The following CTNNBL1 variants were observed in gnomAD, a reference collection of about 807,000 sequenced individuals.
CTNNBL1 encodes beta-catenin-like protein 1.
CTNNBL1 carries 31 observed loss-of-function variants against 72.7 expected under a neutral mutation model. That is an observed-to-expected ratio of 0.43 (90% confidence interval 0.32 to 0.58). The LOEUF (loss-of-function observed/expected upper bound fraction) is 0.58. CTNNBL1 is among the 20% of genes least tolerant of loss of function. The pLI, the probability that CTNNBL1 is intolerant of heterozygous loss-of-function variation, is 0.08. For missense variants in CTNNBL1, 534 were observed against 725.1 expected, an observed-to-expected ratio of 0.74 and a Z score of 3.03; for synonymous variants, 240 against 267.3, an observed-to-expected ratio of 0.90 and a Z score of 1.00.
chr20:37,761,753 G>A (rs968402415), intron 5 of CTNNBL1, among the ~76,000 whole-genome samples: 10 of 152,232 alleles, frequency 6.6e-5, no homozygotes, highest in African/African-American at 1.4e-4. Flanking sequence ...TTAAAATAGA[G>A]TGATGTGATG....
At chr20:37,748,827 G>C (rs1167340978) in intron 4 of CTNNBL1, among the ~76,000 whole-genome samples, 2 of 152,164 alleles carry the variant, frequency 1.3e-5, no homozygotes, top group African/African-American at 4.8e-5. Context: ...CCACCTCCAA[G>C]TACCATCACA....
At position 37,711,359 on chromosome 20, in the gene CTNNBL1, C is replaced by T. The variant is rs1275188164; in HGVS notation, c.30+17207C>T. On this transcript the variant is annotated intron_variant, in intron 1 of 15. Transcript: ENST00000361383. ...CTGTGAGACAATCCAGATTTTGGGG[C>T]GGTTAGCAAATTTCATTTGGATTAG... Among the ~76,000 whole-genome samples the T allele has an allele frequency of 4.0e-5, 6 of 151,680 alleles. No individual in the cohort carries two copies. The East Asian group carries it at 7.8e-4, about 20-fold the overall frequency.
At chr20:37,705,473 T>G (rs531862047) in intron 1 of CTNNBL1, among the ~76,000 whole-genome samples, 1 of 152,316 alleles carries the variant, frequency 6.6e-6, no homozygotes, top group African/African-American at 2.4e-5. Context: ...AAAAAAAATT[T>G]TTTTTTAATT....
intron 13 of CTNNBL1, among the ~76,000 whole-genome samples, chr20:37,845,972 C>A (rs1235264482): frequency 6.6e-6 from 1 of 152,178 alleles, no homozygotes; most frequent in Non-Finnish European, 1.5e-5. Flanking sequence ...TGCACGTGCC[C>A]ATGGTTTGCA....
chr20:37,717,344 G>C (rs1371567577), intron 1 of CTNNBL1, among the ~76,000 whole-genome samples: 1 of 152,208 alleles, frequency 6.6e-6, no homozygotes, highest in Non-Finnish European at 1.5e-5. Context: ...GTAACGTGCA[G>C]AACCATTGTG....
At chr20:37,802,804 T>C (rs2073833374) in intron 10 of CTNNBL1, 63 bp from the exon 11 acceptor site, 2 of 1,395,392 alleles carry the variant, frequency 1.4e-6, no homozygotes, top group Non-Finnish European at 2.0e-6. Context: ...AATACCCTTT[T>C]TTTTTTTTAA....
chr20:37,832,790 C>CTT (rs200142358), intron 11 of CTNNBL1, among the ~76,000 whole-genome samples: 1 of 148,152 alleles, frequency 6.7e-6, no homozygotes. Context: ...GTGGACCATA[C>CTT]TTTTTTTTTT....
intron 13 of CTNNBL1, among the ~76,000 whole-genome samples, chr20:37,858,139 A>G (rs752015842): frequency 6.6e-6 from 1 of 152,250 alleles, no homozygotes; most frequent in Non-Finnish European, 1.5e-5. Context: ...CGAGACTGCA[A>G]TGAGCTGTCA....
chr20:37,721,808 A>T (rs1237279278), intron 1 of CTNNBL1, among the ~76,000 whole-genome samples: 1 of 152,202 alleles, frequency 6.6e-6, no homozygotes, highest in Non-Finnish European at 1.5e-5. Flanking sequence ...TCCAGTGATC[A>T]TTCTTTAAAT....
chr20:37,795,188 G>GCT (rs2073762142), intron 10 of CTNNBL1, among the ~76,000 whole-genome samples: 2 of 148,366 alleles, frequency 1.3e-5, no homozygotes, highest in South Asian at 4.2e-4. Flanking sequence ...AGGCTGGCAT[G>GCT]CAGTGATGCA....
chr20:37,768,781 G>C (rs1484997387), intron 7 of CTNNBL1, among the ~76,000 whole-genome samples: 1 of 151,104 alleles, frequency 6.6e-6, no homozygotes, highest in Non-Finnish European at 1.5e-5. Flanking sequence ...TTGTTTTTTT[G>C]TTTTTTCTTT....
At chr20:37,714,990 C>T (rs141237894) in intron 1 of CTNNBL1, among the ~76,000 whole-genome samples, 1 of 152,080 alleles carries the variant, frequency 6.6e-6, no homozygotes, top group East Asian at 1.9e-4. Context: ...CCGCACCTCA[C>T]CCCCCCGTTC....
chr20:37,825,448 G>A (rs1353954550), intron 11 of CTNNBL1, among the ~76,000 whole-genome samples: 1 of 152,156 alleles, frequency 6.6e-6, no homozygotes, highest in African/African-American at 2.4e-5. Flanking sequence ...ACCGAGGTAG[G>A]TGAATCACTT....
chr20:37,729,648 C>T (rs758618860), intron 1 of CTNNBL1, among the ~76,000 whole-genome samples: 26 of 152,250 alleles, frequency 1.7e-4, no homozygotes, highest in Middle Eastern at 3.4e-3. Flanking sequence ...AGCAGGCTCA[C>T]GCTAATCAGA....
chr20:37,746,195 A>G (rs1328622744), intron 3 of CTNNBL1, among the ~76,000 whole-genome samples: 1 of 152,232 alleles, frequency 6.6e-6, no homozygotes, highest in African/African-American at 2.4e-5. Context: ...GTTTAGTGCT[A>G]CAAAATGCTT....
chr20:37,856,762 T>C (rs899565311), intron 13 of CTNNBL1, among the ~76,000 whole-genome samples: 13 of 152,100 alleles, frequency 8.5e-5, no homozygotes, highest in Non-Finnish European at 1.3e-4. Context: ...TCACTTACAA[T>C]TTTTTTAACA....
chr20:37,861,507 A>G (rs1298763576), intron 15 of CTNNBL1, among the ~76,000 whole-genome samples: 11 of 152,206 alleles, frequency 7.2e-5, no homozygotes, highest in African/African-American at 2.7e-4. Flanking sequence ...TAGACAAATC[A>G]GTGTTCACCT....
At chr20:37,698,800 C>T (rs1192150972) in intron 1 of CTNNBL1, among the ~76,000 whole-genome samples, 2 of 152,202 alleles carry the variant, frequency 1.3e-5, no homozygotes, top group African/African-American at 4.8e-5. Context: ...AATCCCAGCA[C>T]TTTGGGAGGC....
chr20:37,720,250 G>A (rs1486607706), intron 1 of CTNNBL1, among the ~76,000 whole-genome samples: 9 of 151,898 alleles, frequency 5.9e-5, no homozygotes, highest in South Asian at 2.1e-4. Flanking sequence ...GGATAGTCTC[G>A]ATCTCCTGAC....
Sources: gnomAD v4.1 joint callset for allele counts (sites outside exome capture counted in the v4.1 genomes callset) on GRCh38, gnomAD v4.1.1 for gene constraint, MANE v1.5 for transcripts, NCBI Gene and HGNC (gene_info 2026-07-23, HGNC 2026-07-21) for gene names.